The following FSIP2 variants were observed in gnomAD, a reference collection of about 807,000 sequenced individuals.
FSIP2 encodes fibrous sheath-interacting protein 2.
In FSIP2, 367 loss-of-function variants were observed where a neutral mutation model predicts 510.5. The ratio of observed to expected loss-of-function variants is 0.72; its 90% CI spans 0.66 to 0.78. The LOEUF (loss-of-function observed/expected upper bound fraction) is 0.78, where lower values mean the gene tolerates loss of function less well. Ranked by LOEUF, FSIP2 falls within the 30% of genes least tolerant of loss-of-function variation. The pLI, the probability that FSIP2 is intolerant of heterozygous loss-of-function variation, is 0.00. For synonymous variants in FSIP2, 2,601 were observed against 2,732.2 expected (o/e 0.95, Z 1.50); for missense variants, 7,594 against 7,901.7 (o/e 0.96, Z 1.48).
In FSIP2 at chr2:185,792,678, A is replaced by G. The variant is rs1216763053; in HGVS notation, c.5542A>G (p.Arg1848Gly). The G allele has an allele frequency of 6.5e-7, 1 of 1,533,570 alleles. No homozygotes were observed. The highest frequency in any genetic ancestry group is 8.7e-7 in the Non-Finnish European group (1 of 1,145,082). The allele number at this position is 1,533,570 out of a possible 1,614,324, so 95.0% of individuals were successfully genotyped here. A position where few individuals can be genotyped will look rare whatever the true frequency, so the allele number is the denominator to read the frequency against. Residue 1848 changes from arginine (R) to glycine (G), a missense_variant, in exon 16 of 23, where the codon AGG (arginine) becomes GGG (glycine). By Grantham distance (125) the Arg-to-Gly change is moderately radical. Coordinates refer to ENST00000424728, the MANE Select transcript of FSIP2 (RefSeq NM_173651.4). ...AACCATAGTAACAGATAATATTGTT[A>G]GGACTGTATTTCACAAACTTTATTC... is the stretch of plus-strand genomic sequence containing the variant. ...DITIVTDNIV[R>G]TVFHKLYSAA...
At position 185,806,504 on chromosome 2, in the gene FSIP2, A is replaced by T. The variant is rs143041186; in HGVS notation, c.17198A>T (p.Lys5733Ile). The change falls in exon 17 of 23, where the codon AAA becomes ATA. Residue 5733 changes from lysine (K) to isoleucine (I), a missense_variant. Lys to Ile is a moderately radical substitution (Grantham distance 102). Transcript: ENST00000424728. ...RDSAQSVTTKKVSSSTNKNIS... is the reference protein window; with the variant it reads ...RDSAQSVTTKIVSSSTNKNIS... ...TCGGCACAGTCTGTTACAACAAAAA[A>T]AGTATCCTCCTCAACTAACAAAAAT... is the stretch of plus-strand genomic sequence containing the variant. The T allele has an allele frequency of 1.6e-3, 2,597 of 1,602,600 alleles. 12 individuals are homozygous for T. Among genetic ancestry groups the T allele is most frequent in the Middle Eastern group, 8.9e-3 (53 of 5,970 alleles).
At chr2:185,751,858 A>T (rs943266417) in intron 7 of FSIP2, among the ~76,000 whole-genome samples, 5 of 150,476 alleles carry the variant, frequency 3.3e-5, no homozygotes, top group Non-Finnish European at 7.4e-5. Flanking sequence ...ATTATGCTTT[A>T]TTTTTTTCCC....
intron 13 of FSIP2, among the ~76,000 whole-genome samples, chr2:185,770,611 A>G (rs1327659282): frequency 1.3e-5 from 2 of 151,982 alleles, no homozygotes; most frequent in Non-Finnish European, 2.9e-5. Context: ...ACCAGGCCCC[A>G]CCCCCAACAT....
At chr2:185,765,236 T>C (rs915579107) in intron 13 of FSIP2, 2 of 152,050 alleles carry the variant, frequency 1.3e-5, no homozygotes, top group African/African-American at 4.8e-5. Flanking sequence ...CATATACAAC[T>C]TGATATGTGT....
At chr2:185,738,725 A>C, upstream of FSIP2, 1 of 1,535,968 alleles carries the variant, frequency 6.5e-7, no homozygotes, top group Non-Finnish European at 8.7e-7. Context: ...GCCCCTCAGG[A>C]GGCCACCGCC....
chr2:185,794,871 A>G lies in FSIP2; in HGVS notation c.7735A>G (p.Met2579Val). 6.5e-7 allele frequency: 1 copy of G among 1,533,356 alleles called. No individual in the cohort carries two copies. The highest frequency in any genetic ancestry group is 2.0e-5 in the Admixed American group (1 of 50,818). The allele number at this position is 1,533,356 out of a possible 1,614,324, so 95.0% of individuals were successfully genotyped here. The change falls in exon 16 of 23, where the codon ATG becomes GTG. Residue 2579 changes from methionine (M) to valine (V), a missense_variant. By Grantham distance (21) the Met-to-Val change is conservative (BLOSUM62 1). Coordinates refer to ENST00000424728, the MANE Select transcript of FSIP2 (RefSeq NM_173651.4). ...EISDHNDSLL[M>V]KPLRFRETKQ... ...ATCTGACCACAATGATTCCTTACTA[A>G]TGAAACCATTAAGGTTTAGAGAAAC... is the stretch of plus-strand genomic sequence containing the variant.
At position 185,802,175 on chromosome 2, in the gene FSIP2, T is replaced by C. The variant is rs944036260; in HGVS notation, c.12869T>C (p.Ile4290Thr). 5.9e-6 allele frequency: 9 copies of C among 1,533,302 alleles called. No individual in the cohort carries two copies. In the African/African-American group the frequency reaches 9.6e-5, roughly 16 times the overall value. The allele number at this position is 1,533,302 out of a possible 1,614,324, so 95.0% of individuals were successfully genotyped here. ...TIVTQVLSEV[I>T]ESHRPQKQSP... ...GTTACACAGGTTCTGAGTGAAGTGA[T>C]AGAGTCACACAGACCTCAGAAGCAA... The change falls in exon 17 of 23, where the codon ATA (isoleucine) becomes ACA (threonine). Residue 4290 changes from isoleucine (I) to threonine (T), a missense_variant. Ile to Thr is a moderately conservative substitution (Grantham distance 89). Coordinates refer to ENST00000424728, the MANE Select transcript of FSIP2 (RefSeq NM_173651.4).
At chr2:185,811,960 G>A (rs1465745974) in intron 17 of FSIP2, among the ~76,000 whole-genome samples, 2 of 152,256 alleles carry the variant, frequency 1.3e-5, no homozygotes, top group African/African-American at 4.8e-5. Flanking sequence ...GCCTGCTGCA[G>A]GAGTGGAGCC....
rs372688090 is a variant in FSIP2, at chr2:185,819,506, C to G, written c.20426+4035C>G. ...GAAAGTGAAAGAATGGAAAAATATACCCCATGTAAACAGAAACCAAAAGAG... is the reference window on the plus strand; with the variant it reads ...GAAAGTGAAAGAATGGAAAAATATAGCCCATGTAAACAGAAACCAAAAGAG... On this transcript the variant is annotated intron_variant, in intron 19 of 22. Transcript: ENST00000424728. 6.6e-5 allele frequency among the ~76,000 whole-genome samples: 10 copies of G among 151,756 alleles called. No individual in the cohort carries two copies. The East Asian group carries it at 1.2e-3, about 18-fold the overall frequency.
Position 185,747,237 on chromosome 2 carries a change from T to A in FSIP2, c.760-76T>A, listed in dbSNP as rs1298822759. ...TTAGGCCCTGACTTGTTTAATATAC[T>A]TTTTGGTGGGACAAAATACAAAGAT... On this transcript the variant is annotated intron_variant, in intron 6 of 22. Coordinates refer to ENST00000424728, the MANE Select transcript of FSIP2 (RefSeq NM_173651.4). The A allele has an allele frequency of 1.5e-5, 12 of 822,808 alleles. No individual in the cohort carries two copies. The South Asian group carries it at 1.9e-4, about 13-fold the overall frequency. The allele number at this position is 822,808 out of a possible 1,614,324, so 51.0% of individuals were successfully genotyped here.
chr2:185,812,254 G>C (rs1285799475), intron 17 of FSIP2, among the ~76,000 whole-genome samples: 6 of 152,080 alleles, frequency 3.9e-5, no homozygotes, highest in African/African-American at 1.4e-4. Context: ...CCCTAGATGT[G>C]GGACATACAG....
chr2:185,827,566 T>G (rs772241818), intron 20 of FSIP2, among the ~76,000 whole-genome samples: 1 of 151,866 alleles, frequency 6.6e-6, no homozygotes, highest in Non-Finnish European at 1.5e-5. Flanking sequence ...CACAGTGTCA[T>G]TTCTACCTCC....
intron 17 of FSIP2, among the ~76,000 whole-genome samples, chr2:185,812,131 C>T (rs1037515270): frequency 3.9e-5 from 6 of 152,202 alleles, no homozygotes; most frequent in South Asian, 2.1e-4. Flanking sequence ...ACACCCTCAG[C>T]GTGGAAAAGC....
intron 19 of FSIP2, 108 bp downstream of exon 19, chr2:185,815,579 C>T (rs778870828): frequency 9.7e-6 from 5 of 515,484 alleles, no homozygotes; most frequent in Non-Finnish European, 1.7e-5. Context: ...TAGCTTCAGA[C>T]CTTCCCCAAC....
In FSIP2 at chr2:185,799,483, G is replaced by T. The variant is rs957595607; in HGVS notation, c.10391-214G>T. Among the ~76,000 whole-genome samples, 6 of 151,744 alleles carry T rather than the reference G, an allele frequency of 4.0e-5. No individual in the cohort carries two copies. In the East Asian group the frequency reaches 1.2e-3, roughly 30 times the overall value. ...ATTTGACTTAGAGGATTGAATTTTG[G>T]GGTGTTATTTTCTCAATTTATTGGC... On this transcript the variant is annotated intron_variant, in intron 16 of 22. Coordinates refer to ENST00000424728, the MANE Select transcript of FSIP2 (RefSeq NM_173651.4).
At chr2:185,813,418 A>C (rs149631074) in intron 17 of FSIP2, 127 bp from the exon 18 acceptor site, 34 of 500,068 alleles carry the variant, frequency 6.8e-5, no homozygotes, top group African/African-American at 5.8e-4. Context: ...ATATATAATT[A>C]AGTGATATTT....
chr2:185,782,708 C>T lies in FSIP2; in HGVS notation c.1415C>T (p.Pro472Leu). The change falls in exon 14 of 23, where the codon CCT becomes CTT. Residue 472 changes from proline (P) to leucine (L), a missense_variant. Pro to Leu is a moderately conservative substitution (Grantham distance 98). Coordinates refer to ENST00000424728, the MANE Select transcript of FSIP2 (RefSeq NM_173651.4). ...ATTTTATTTTTCTGATAAATAGGAC[C>T]TCAGGCTCATGCTACAGACCCGGGT... ...KRSSYLCESG[P>L]QAHATDPGIF... The T allele has an allele frequency of 6.6e-7, 1 of 1,512,932 alleles. No individual in the cohort carries two copies. The highest frequency in any genetic ancestry group is 1.4e-5 in the African/African-American group (1 of 72,710). The allele number at this position is 1,512,932 out of a possible 1,614,324, so 93.7% of individuals were successfully genotyped here.
intron 2 of FSIP2, among the ~76,000 whole-genome samples, chr2:185,740,799 G>T (rs537082371): frequency 1.4e-4 from 22 of 152,042 alleles, no homozygotes; most frequent in Non-Finnish European, 2.8e-4. Flanking sequence ...TATCTCCCTT[G>T]ATGAGGACTC....
At chr2:185,752,111 T>C (rs1692160443) in intron 7 of FSIP2, among the ~76,000 whole-genome samples, 1 of 151,280 alleles carries the variant, frequency 6.6e-6, no homozygotes, top group Non-Finnish European at 1.5e-5. Context: ...TTGCTCCTAG[T>C]ACAACTTACT....
Sources: gnomAD v4.1 joint callset for allele counts (sites outside exome capture counted in the v4.1 genomes callset) on GRCh38, gnomAD v4.1.1 for gene constraint, MANE v1.5 for transcripts, NCBI Gene and HGNC (gene_info 2026-07-23, HGNC 2026-07-21) for gene names.